The following NFATC3 variants were observed in gnomAD, a reference collection of about 807,000 sequenced individuals.
The protein encoded by NFATC3 is nuclear factor of activated T-cells, cytoplasmic 3.
A neutral mutation model predicts 98.6 loss-of-function variants in NFATC3; 46 were observed. The ratio of observed to expected loss-of-function variants is 0.47; its 90% CI spans 0.37 to 0.60. NFATC3 has a LOEUF of 0.60. NFATC3 is among the 20% of genes least tolerant of loss of function. The pLI is 0.00. For missense variants in NFATC3, 1,256 were observed against 1,295.5 expected, an observed-to-expected ratio of 0.97 and a Z score of 0.47; for synonymous variants, 512 against 472.2, an observed-to-expected ratio of 1.08 and a Z score of -1.09.
At chr16:68,177,517 A>G (rs186860984) in intron 6 of NFATC3, among the ~76,000 whole-genome samples, 1 of 151,976 alleles carries the variant, frequency 6.6e-6, no homozygotes, top group African/African-American at 2.4e-5. Flanking sequence ...CAGTCTTTCC[A>G]TAGTTCTTGG....
chr16:68,163,348 C>T (rs1334473934), intron 4 of NFATC3, among the ~76,000 whole-genome samples: 7 of 150,220 alleles, frequency 4.7e-5, no homozygotes, highest in East Asian at 2.0e-4. Flanking sequence ...CCGGGCGGGG[C>T]GGCTGGCTGG....
intron 1 of NFATC3, among the ~76,000 whole-genome samples, chr16:68,086,111 ATGT>A (rs923305929): frequency 4.6e-5 from 7 of 152,162 alleles, no homozygotes; most frequent in South Asian, 2.1e-4. Context: ...TGCAAGGAAA[ATGT>A]TGTCCCTGTG....
In NFATC3 at chr16:68,087,392, C is replaced by T. The variant is rs368045304; in HGVS notation, c.103+1608C>T. Among the ~76,000 whole-genome samples the T allele has an allele frequency of 1.6e-3, 241 of 152,148 alleles. 2 individuals are homozygous for T. The highest frequency in any genetic ancestry group is 5.1e-3 in the African/African-American group (211 of 41,508). On this transcript the variant is annotated intron_variant, in intron 1 of 9. Coordinates refer to ENST00000346183, the MANE Select transcript of NFATC3 (RefSeq NM_173165.3). ...TGAAAAAATTTTTAATGATCTTTAC[C>T]ATACGCAAAAGCCATTTTGATATTA... is the stretch of plus-strand genomic sequence containing the variant.
chr16:68,225,241 T>A (rs2042002636), intron 9 of NFATC3: 1 of 152,126 alleles, frequency 6.6e-6, no homozygotes, highest in African/African-American at 2.4e-5. Flanking sequence ...CATGAGCCAC[T>A]GCGCCTGGCT....
Position 68,104,064 on chromosome 16 carries a change from T to A in NFATC3, c.104-17923T>A, listed in dbSNP as rs559428522. On this transcript the variant is annotated intron_variant, in intron 1 of 9. Coordinates refer to ENST00000346183, the MANE Select transcript of NFATC3 (RefSeq NM_173165.3). ...CCGTATAAATTTGAGGATTGGCTTT[T>A]CCATTTCTCTAGAAAAGCCCGTGAA... 2.6e-5 allele frequency among the ~76,000 whole-genome samples: 4 copies of A among 152,336 alleles called. No homozygotes were observed. The South Asian group carries it at 8.3e-4, about 32-fold the overall frequency.
intron 9 of NFATC3, among the ~76,000 whole-genome samples, chr16:68,208,410 A>G (rs1006899538): frequency 1.3e-5 from 2 of 152,114 alleles, no homozygotes; most frequent in African/African-American, 4.8e-5. Flanking sequence ...GCCACTGTAA[A>G]TAGAATTGTT....
intron 8 of NFATC3, among the ~76,000 whole-genome samples, chr16:68,183,887 G>A (rs1017144138): frequency 9.9e-5 from 15 of 151,142 alleles, no homozygotes; most frequent in African/African-American, 3.2e-4. Context: ...CATTCCTGTC[G>A]TCCCAGCTAC....
At chr16:68,178,845 T>G (rs1278014578) in intron 6 of NFATC3, among the ~76,000 whole-genome samples, 1 of 152,242 alleles carries the variant, frequency 6.6e-6, no homozygotes, top group African/African-American at 2.4e-5. Context: ...AGTTGAATCA[T>G]GTTAAATGGT....
intron 1 of NFATC3, among the ~76,000 whole-genome samples, chr16:68,103,640 A>T (rs890827806): frequency 6.6e-6 from 1 of 151,858 alleles, no homozygotes; most frequent in Non-Finnish European, 1.5e-5. Flanking sequence ...TTGACAGTGT[A>T]CTCCTATTTT....
chr16:68,190,054 A>G (rs916157811), intron 8 of NFATC3, among the ~76,000 whole-genome samples: 2 of 152,246 alleles, frequency 1.3e-5, no homozygotes, highest in Admixed American at 6.5e-5. Flanking sequence ...AACAAAAAAA[A>G]GAAATTGTTT....
chr16:68,162,589 C>CT (rs1203578990), intron 4 of NFATC3, among the ~76,000 whole-genome samples: 35,087 of 138,886 alleles, frequency 0.25, 5,436 homozygotes, highest in African/African-American at 0.46. Flanking sequence ...AGCCTAAACT[C>CT]TTTTTTTTTT....
At chr16:68,159,262 A>C (rs2038770008) in intron 4 of NFATC3, among the ~76,000 whole-genome samples, 1 of 152,070 alleles carries the variant, frequency 6.6e-6, no homozygotes, top group Admixed American at 6.6e-5. Context: ...AAAGCAATGT[A>C]GGGGCCTGTT....
Position 68,122,401 on chromosome 16 carries a change from G to C in NFATC3, c.518G>C (p.Arg173Thr). The change falls in exon 2 of 10, where the codon AGG (arginine) becomes ACG (threonine). Residue 173 changes from arginine to threonine, a missense_variant. Arg to Thr is a moderately conservative substitution (Grantham distance 71, BLOSUM62 -1). This residue lies in a region of NFATC3 where 464 missense variants were observed against 465.7 expected (regional missense o/e 1.00). Transcript: ENST00000346183. ...AGTCCTGCCAGCAGCATCTCTTCTA[G>C]GAGTTGGTTCTCTGATGCATCTTCT... Reference protein sequence around the residue: ...SPSPASSISSRSWFSDASSCE... With the variant: ...SPSPASSISSTSWFSDASSCE... 1 of 1,614,104 alleles carries C rather than the reference G, an allele frequency of 6.2e-7. No individual in the cohort carries two copies. The highest frequency in any genetic ancestry group is 8.5e-7 in the Non-Finnish European group (1 of 1,180,016).
At chr16:68,108,026 G>GTT (rs1293332026) in intron 1 of NFATC3, among the ~76,000 whole-genome samples, 1 of 151,470 alleles carries the variant, frequency 6.6e-6, no homozygotes, top group Non-Finnish European at 1.5e-5. Context: ...TAGGCTGCCT[G>GTT]TTCACTGTGA....
chr16:68,109,776 T>C (rs2035849188), intron 1 of NFATC3, among the ~76,000 whole-genome samples: 1 of 152,178 alleles, frequency 6.6e-6, no homozygotes, highest in African/African-American at 2.4e-5. Flanking sequence ...TGTTCAGGTA[T>C]TCAGCTTCTT....
chr16:68,181,510 A>G lies in NFATC3; in HGVS notation c.1951A>G (p.Ile651Val). The G allele has an allele frequency of 6.2e-7, 1 of 1,611,312 alleles. No homozygotes were observed. The highest frequency in any genetic ancestry group is 8.5e-7 in the Non-Finnish European group (1 of 1,177,688). ...RPQWEVEGKI[I>V]REKCQGAHIV... ...TCAGTGGGAGGTAGAAGGGAAGATA[A>G]TCAGGGAAAAATGTCAAGGGGTAAG... The change falls in exon 7 of 10, where the codon ATC becomes GTC. Residue 651 changes from isoleucine (I) to valine (V), a missense_variant. This residue lies in a region of NFATC3 where 636 missense variants were observed against 617.3 expected (regional missense o/e 1.03). Transcript: ENST00000346183.
At chr16:68,184,985 T>G (rs1246387951) in intron 8 of NFATC3, among the ~76,000 whole-genome samples, 1 of 151,822 alleles carries the variant, frequency 6.6e-6, no homozygotes, top group Non-Finnish European at 1.5e-5. Context: ...GTTTATTTAT[T>G]TATTTTTTTT....
At chr16:68,110,690 C>T (rs2035901755) in intron 1 of NFATC3, among the ~76,000 whole-genome samples, 1 of 151,812 alleles carries the variant, frequency 6.6e-6, no homozygotes, top group South Asian at 2.1e-4. Context: ...GTCTTGTCTT[C>T]TGCTAGATTT....
At chr16:68,183,172 T>G in intron 7 of NFATC3, 68 bp from the exon 8 acceptor site, 1 of 1,494,306 alleles carries the variant, frequency 6.7e-7, no homozygotes, top group Admixed American at 2.3e-5. Flanking sequence ...TCATGAGTTG[T>G]GATGTGTTTA....
Sources: allele counts gnomAD v4.1 joint callset (sites outside exome capture counted in the v4.1 genomes callset), GRCh38; gene constraint gnomAD v4.1.1; regional missense constraint gnomAD v4.1.1; transcripts MANE v1.5; gene names NCBI Gene and HGNC (gene_info 2026-07-23, HGNC 2026-07-21).